The following FAM227B variants were observed in gnomAD, a reference collection of about 807,000 sequenced individuals.
FAM227B encodes family with sequence similarity 227 member B, also known as protein FAM227B.
FAM227B carries 88 observed loss-of-function variants against 73.8 expected under a neutral mutation model. That is an observed-to-expected ratio of 1.19 (90% CI 1.00 to 1.42). FAM227B has a LOEUF of 1.42. Ranked by LOEUF, FAM227B falls within the 40% of genes most tolerant of loss-of-function variation. The pLI is 0.00. For synonymous variants in FAM227B, 210 were observed against 190.5 expected (o/e 1.10, Z -0.84); for missense variants, 632 against 590.9 (o/e 1.07, Z -0.72).
intron 13 of FAM227B, among the ~76,000 whole-genome samples, chr15:49,351,990 G>A (rs2042323024): frequency 6.6e-6 from 1 of 152,190 alleles, no homozygotes; most frequent in African/African-American, 2.4e-5. Flanking sequence ...GCTCAGCTAG[G>A]CTGTTCTAAG....
At chr15:49,403,848 G>A (rs1033598146) in intron 11 of FAM227B, among the ~76,000 whole-genome samples, 2 of 152,056 alleles carry the variant, frequency 1.3e-5, no homozygotes, top group Non-Finnish European at 2.9e-5. Flanking sequence ...TAGTTGTGAT[G>A]TTAGGTTGTT....
intron 11 of FAM227B, chr15:49,425,434 G>T (rs2050042207): frequency 6.6e-6 from 1 of 151,934 alleles, no homozygotes. Context: ...AATGGAATAA[G>T]ATACACACCT....
At chr15:49,460,548 T>C (rs561041287) in intron 11 of FAM227B, among the ~76,000 whole-genome samples, 16 of 152,306 alleles carry the variant, frequency 1.1e-4, no homozygotes, top group African/African-American at 3.1e-4. Context: ...TCTTCACAGT[T>C]CAGGCGATCA....
intron 11 of FAM227B, among the ~76,000 whole-genome samples, chr15:49,378,589 G>T (rs779894401): frequency 3.2e-4 from 48 of 151,966 alleles, no homozygotes; most frequent in Non-Finnish European, 7.4e-5. Context: ...TTACTTTTAA[G>T]ATTTCTTATT....
intron 11 of FAM227B, among the ~76,000 whole-genome samples, chr15:49,507,981 T>C (rs2058704040): frequency 1.3e-5 from 2 of 152,128 alleles, no homozygotes; most frequent in Admixed American, 1.3e-4. Flanking sequence ...TGAGAATATA[T>C]GTAGTATACA....
At chr15:49,410,950 A>C (rs2048829442) in intron 11 of FAM227B, among the ~76,000 whole-genome samples, 1 of 142,168 alleles carries the variant, frequency 7.0e-6, no homozygotes, top group African/African-American at 2.6e-5. Flanking sequence ...ATGACAGAAA[A>C]AGCATTTGAG....
chr15:49,441,174 T>C (rs1255327705), intron 11 of FAM227B, among the ~76,000 whole-genome samples: 1 of 151,510 alleles, frequency 6.6e-6, no homozygotes, highest in Admixed American at 6.6e-5. Flanking sequence ...AATACAGAAG[T>C]GGAAGAGACT....
chr15:49,546,800 G>A (rs1054425259), intron 9 of FAM227B, among the ~76,000 whole-genome samples: 1 of 152,130 alleles, frequency 6.6e-6, no homozygotes, highest in Non-Finnish European at 1.5e-5. Flanking sequence ...CCAAATCTAC[G>A]TCTGATTGGT....
intron 11 of FAM227B, among the ~76,000 whole-genome samples, chr15:49,476,912 T>C (rs1340277287): frequency 2.0e-5 from 3 of 151,618 alleles, no homozygotes; most frequent in East Asian, 3.9e-4. Flanking sequence ...ACAAAAAAAT[T>C]AGCCGGGCGT....
At chr15:49,450,533 C>T (rs544883137) in intron 11 of FAM227B, among the ~76,000 whole-genome samples, 2 of 152,088 alleles carry the variant, frequency 1.3e-5, no homozygotes, top group Non-Finnish European at 2.9e-5. Context: ...TGTAAACTTT[C>T]TCAGAAATAT....
chr15:49,396,269 G>C, intron 11 of FAM227B: 1 of 406,584 alleles, frequency 2.5e-6, no homozygotes, highest in Non-Finnish European at 4.8e-6. Context: ...ACTCCCACCT[G>C]AATACTGTGC....
chr15:49,549,190 G>A (rs1220915177), intron 9 of FAM227B, among the ~76,000 whole-genome samples: 1 of 151,924 alleles, frequency 6.6e-6, no homozygotes, highest in East Asian at 1.9e-4. Flanking sequence ...ATGGATTTTG[G>A]CATGTTGTGT....
Position 49,371,379 on chromosome 15 carries a change from T to C in FAM227B, c.1033A>G (p.Lys345Glu), listed in dbSNP as rs1423819732. Residue 345 changes from lysine to glutamate, a missense_variant, in exon 12 of 16, where the codon AAG becomes GAG. Coordinates refer to ENST00000299338, the MANE Select transcript of FAM227B (RefSeq NM_152647.3). ...TATGCTCTTGGGTTGTTCAGAATCT[T>C]TATAATATTGAAGTCGATACCTAAA... ...ISTSIDFNII[K>E]ILNNPRAYTL... is the part of the protein sequence containing the mutation. 26 of 1,574,904 alleles carry C rather than the reference T, an allele frequency of 1.7e-5. No homozygotes were observed. Among genetic ancestry groups the C allele is most frequent in the Non-Finnish European group, 2.2e-5 (26 of 1,156,638 alleles).
At chr15:49,398,870 G>C (rs903822446) in intron 11 of FAM227B, among the ~76,000 whole-genome samples, 5 of 67,382 alleles carry the variant, frequency 7.4e-5, no homozygotes, top group African/African-American at 3.2e-4. Flanking sequence ...GAAATTTATA[G>C]CACTAAATGC....
At chr15:49,538,765 C>A (rs1384262902) in intron 10 of FAM227B, among the ~76,000 whole-genome samples, 2 of 151,868 alleles carry the variant, frequency 1.3e-5, no homozygotes, top group Non-Finnish European at 2.9e-5. Context: ...TTTTTCATTT[C>A]ATTCACTGTA....
intron 11 of FAM227B, among the ~76,000 whole-genome samples, chr15:49,477,170 AAC>A (rs2055418001): frequency 6.6e-6 from 1 of 152,182 alleles, no homozygotes. Context: ...CATTTATTAC[AAC>A]AGATGAGCCA....
intron 3 of FAM227B, among the ~76,000 whole-genome samples, chr15:49,596,846 T>C (rs936963376): frequency 6.6e-6 from 1 of 151,866 alleles, no homozygotes; most frequent in African/African-American, 2.4e-5. Flanking sequence ...AAATAAACTT[T>C]AAAGCAACAA....
At chr15:49,456,388 C>T (rs1474342925) in intron 11 of FAM227B, among the ~76,000 whole-genome samples, 2 of 151,932 alleles carry the variant, frequency 1.3e-5, no homozygotes. Flanking sequence ...GTCATTTCTG[C>T]CAATTAAAAT....
At chr15:49,395,975 CA>C in intron 11 of FAM227B, 1 of 455,840 alleles carries the variant, frequency 2.2e-6, no homozygotes. Context: ...TTAATCTTAC[CA>C]AAACTGGGGG....
Sources: gnomAD v4.1 joint callset for allele counts (sites outside exome capture counted in the v4.1 genomes callset) on GRCh38, gnomAD v4.1.1 for gene constraint, MANE v1.5 for transcripts, NCBI Gene and HGNC (gene_info 2026-07-23, HGNC 2026-07-21) for gene names.